The following ASTN1 variants were observed in gnomAD, a reference collection of about 807,000 sequenced individuals.
ASTN1 encodes astrotactin 1, also known as astrotactin-1.
In ASTN1, 41 loss-of-function variants were observed where a neutral mutation model predicts 140.7. The ratio of observed to expected loss-of-function variants is 0.29; its 90% CI spans 0.23 to 0.38. ASTN1 has a LOEUF of 0.38. ASTN1 is among the 10% of genes least tolerant of loss of function. The probability of loss-of-function intolerance (pLI) is 1.00; values close to 1 mark genes in which losing one functional copy is unlikely to be tolerated. For missense variants in ASTN1, 1,479 were observed against 1,678.8 expected (o/e 0.88, Z 2.08); for synonymous variants, 640 against 652.2 (o/e 0.98, Z 0.29).
At chr1:176,931,015 C>T (rs1671184050) in intron 16 of ASTN1, among the ~76,000 whole-genome samples, 1 of 151,998 alleles carries the variant, frequency 6.6e-6, no homozygotes. Flanking sequence ...GGCGCCGGCA[C>T]GCAGGTGGAG....
chr1:177,139,678 T>C (rs1290748332), intron 1 of ASTN1, among the ~76,000 whole-genome samples: 1 of 152,164 alleles, frequency 6.6e-6, no homozygotes, highest in Non-Finnish European at 1.5e-5. Flanking sequence ...AGTGGAAGAC[T>C]CAAAGTGTTC....
In ASTN1 at chr1:176,902,285, C is replaced by T. The variant is rs151074503; in HGVS notation, c.2672-7455G>A. 4.9e-4 allele frequency among the ~76,000 whole-genome samples: 74 copies of T among 152,320 alleles called. No homozygotes were observed. In the East Asian group the frequency reaches 0.012, roughly 24 times the overall value. On this transcript the variant is annotated intron_variant, in intron 16 of 22. Coordinates refer to ENST00000361833, the MANE Select transcript of ASTN1 (RefSeq NM_004319.3). Reference sequence around the variant, plus strand: ...CCAATTTCCTGCCTGCCTCATGAAGCGTTGCCTACCAAACAGCATTAAACC... The same window carrying T: ...CCAATTTCCTGCCTGCCTCATGAAGTGTTGCCTACCAAACAGCATTAAACC...
intron 16 of ASTN1, among the ~76,000 whole-genome samples, chr1:176,900,042 T>A (rs868116579): frequency 2.6e-5 from 4 of 152,138 alleles, no homozygotes; most frequent in East Asian, 3.9e-4. Context: ...TCTCCATATA[T>A]CCATGAACAT....
At chr1:176,958,210 G>A (rs1672500296) in intron 10 of ASTN1, 135 bp downstream of exon 10, 5 of 1,338,068 alleles carry the variant, frequency 3.7e-6, no homozygotes, top group Non-Finnish European at 5.2e-6. Flanking sequence ...ACAACATAGG[G>A]GGAATTTGCA....
chr1:177,128,906 T>C (rs10798500), intron 1 of ASTN1, among the ~76,000 whole-genome samples: 23,413 of 152,120 alleles, frequency 0.15, 3,625 homozygotes, highest in African/African-American at 0.4. Context: ...ATCCATGACA[T>C]AGGAATATGA....
At chr1:177,071,447 C>G (rs1360689907) in intron 1 of ASTN1, among the ~76,000 whole-genome samples, 1 of 152,206 alleles carries the variant, frequency 6.6e-6, no homozygotes, top group African/African-American at 2.4e-5. Flanking sequence ...GAGTCCTTCT[C>G]TGTAGACTAG....
chr1:177,072,193 G>A (rs928226472), intron 1 of ASTN1, among the ~76,000 whole-genome samples: 1 of 152,118 alleles, frequency 6.6e-6, no homozygotes, highest in Admixed American at 6.5e-5. Context: ...AATGAATTAG[G>A]TATACAGAAG....
At chr1:176,978,557 T>C (rs555819112) in intron 8 of ASTN1, among the ~76,000 whole-genome samples, 4 of 152,274 alleles carry the variant, frequency 2.6e-5, no homozygotes, top group South Asian at 2.1e-4. Flanking sequence ...AGTTTTGAGC[T>C]AGAAGGACTA....
intron 2 of ASTN1, among the ~76,000 whole-genome samples, chr1:177,044,899 A>G (rs1233916439): frequency 1.3e-5 from 2 of 152,100 alleles, no homozygotes; most frequent in Non-Finnish European, 2.9e-5. Context: ...TATTTTTTCT[A>G]TTCTTAACAT....
intron 1 of ASTN1, among the ~76,000 whole-genome samples, chr1:177,152,103 T>C (rs2102248579): frequency 6.6e-6 from 1 of 152,132 alleles, no homozygotes; most frequent in Admixed American, 6.6e-5. Context: ...ATATCAGTTC[T>C]CAGAATTCAT....
At chr1:176,990,580 A>G (rs113426715) in intron 8 of ASTN1, among the ~76,000 whole-genome samples, 39 of 152,284 alleles carry the variant, frequency 2.6e-4, no homozygotes, top group African/African-American at 7.0e-4. Context: ...GATATAAATG[A>G]GCAGGAAGTG....
chr1:177,079,468 C>A (rs1187879541), intron 1 of ASTN1, among the ~76,000 whole-genome samples: 1 of 152,146 alleles, frequency 6.6e-6, no homozygotes, highest in Non-Finnish European at 1.5e-5. Context: ...GAGGTTAATT[C>A]TTCCTTCCAA....
At chr1:177,154,239 G>T (rs1422345571) in intron 1 of ASTN1, among the ~76,000 whole-genome samples, 1 of 152,152 alleles carries the variant, frequency 6.6e-6, no homozygotes, top group Non-Finnish European at 1.5e-5. Context: ...GGAATGTTCT[G>T]CAACAGTCAG....
intron 9 of ASTN1, among the ~76,000 whole-genome samples, chr1:176,962,477 A>T (rs1447619754): frequency 6.6e-6 from 1 of 152,248 alleles, no homozygotes; most frequent in African/African-American, 2.4e-5. Context: ...TGGATGTTAA[A>T]TATTTAAAGT....
intron 21 of ASTN1, among the ~76,000 whole-genome samples, chr1:176,873,109 A>C (rs940316639): frequency 6.6e-6 from 1 of 152,212 alleles, no homozygotes; most frequent in Non-Finnish European, 1.5e-5. Flanking sequence ...TTTGATTCTA[A>C]TTGCTTTTGT....
At chr1:177,082,664 CTCAGTTGT>C (rs1679236848) in intron 1 of ASTN1, among the ~76,000 whole-genome samples, 1 of 152,176 alleles carries the variant, frequency 6.6e-6, no homozygotes, top group Non-Finnish European at 1.5e-5. Context: ...CCTCCCACTC[CTCAGTTGT>C]TCAGGGGAGA....
chr1:177,026,699 T>C (rs975430549), intron 5 of ASTN1, among the ~76,000 whole-genome samples: 1 of 152,206 alleles, frequency 6.6e-6, no homozygotes, highest in African/African-American at 2.4e-5. Context: ...ATAAAAGCCA[T>C]TTTAACTGGG....
intron 11 of ASTN1, among the ~76,000 whole-genome samples, chr1:176,952,983 G>T (rs1352971787): frequency 6.6e-6 from 1 of 152,166 alleles, no homozygotes; most frequent in Non-Finnish European, 1.5e-5. Context: ...TAACAAAAAG[G>T]TTGAGCAAAT....
At chr1:177,044,905 A>G (rs151047882) in intron 2 of ASTN1, among the ~76,000 whole-genome samples, 2 of 152,218 alleles carry the variant, frequency 1.3e-5, no homozygotes, top group East Asian at 1.9e-4. Context: ...TTCTATTCTT[A>G]ACATTCAGTT....
Sources: gnomAD v4.1 joint callset for allele counts (sites outside exome capture counted in the v4.1 genomes callset) on GRCh38, gnomAD v4.1.1 for gene constraint, MANE v1.5 for transcripts, NCBI Gene and HGNC (gene_info 2026-07-23, HGNC 2026-07-21) for gene names.